The following CSRP3 variants were observed in gnomAD, a reference collection of about 807,000 sequenced individuals.
CSRP3 encodes cysteine and glycine-rich protein 3.
CSRP3 carries 24 observed loss-of-function variants against 24.3 expected under a neutral mutation model. The ratio of observed to expected loss-of-function variants is 0.99; its 90% CI spans 0.71 to 1.39. The LOEUF (loss-of-function observed/expected upper bound fraction) is 1.39. CSRP3 is among the 40% of genes most tolerant of loss of function. The pLI is 0.00. For missense variants in CSRP3, 240 were observed against 249.0 expected (o/e 0.96, Z 0.24); for synonymous variants, 105 against 94.0 (o/e 1.12, Z -0.68).
chr11:19,192,540 A>G, intron 1 of CSRP3, 64 bp from the exon 2 acceptor site: 1 of 1,003,150 alleles, frequency 1.0e-6, no homozygotes, highest in Non-Finnish European at 1.6e-6. Context: ...AATCTCTAAG[A>G]GTGCAGTGGT....
chr11:19,188,595 C>T (rs1850568185), intron 2 of CSRP3, among the ~76,000 whole-genome samples: 1 of 148,002 alleles, frequency 6.8e-6, no homozygotes, highest in African/African-American at 2.5e-5. Flanking sequence ...CCTGAGTCTT[C>T]CCAAATGACA....
At chr11:19,186,412 T>C (rs943475608) in intron 3 of CSRP3, 64 bp from the exon 4 acceptor site, 2 of 1,606,606 alleles carry the variant, frequency 1.2e-6, no homozygotes, top group African/African-American at 2.7e-5. Flanking sequence ...AAGAGCTGTG[T>C]GGCCTTGAGA....
At chr11:19,189,450 AG>A (rs1850582402) in intron 2 of CSRP3, among the ~76,000 whole-genome samples, 2 of 152,240 alleles carry the variant, frequency 1.3e-5, no homozygotes, top group Admixed American at 1.3e-4. Context: ...TGCTTATAAT[AG>A]GGAGATAATA....
At chr11:19,187,650 T>C (rs1850548976) in intron 3 of CSRP3, among the ~76,000 whole-genome samples, 1 of 152,214 alleles carries the variant, frequency 6.6e-6, no homozygotes, top group African/African-American at 2.4e-5. Flanking sequence ...AAAATCATGA[T>C]TGATTGTTTA....
intron 4 of CSRP3, 57 bp from the exon 5 acceptor site, chr11:19,185,102 A>T: frequency 7.7e-7 from 1 of 1,300,136 alleles, no homozygotes; most frequent in African/African-American, 1.5e-5. Flanking sequence ...TTCTGTTTCC[A>T]TTTCAAGTCC....
chr11:19,201,602 G>A (rs75264737), intron 1 of CSRP3, among the ~76,000 whole-genome samples: 22,095 of 152,230 alleles, frequency 0.15, 2,001 homozygotes, highest in South Asian at 0.28. Context: ...AGACGAGAAG[G>A]TCAGCAGACT....
chr11:19,195,811 G>A (rs1011567233), intron 1 of CSRP3, among the ~76,000 whole-genome samples: 12 of 152,084 alleles, frequency 7.9e-5, no homozygotes, highest in African/African-American at 2.4e-4. Context: ...GTTTTTAAGC[G>A]ATCATAAATA....
In CSRP3 at chr11:19,186,234, C is replaced by G. The variant is rs1314319356; in HGVS notation, c.396G>C (p.Lys132Asn). The G allele has an allele frequency of 7.4e-6, 12 of 1,614,206 alleles. No individual in the cohort carries two copies. The highest frequency in any genetic ancestry group is 1.0e-5 in the Non-Finnish European group (12 of 1,180,032). ...RCGKSVYAAE[K>N]VMGGGKPWHK... is the part of the protein sequence containing the mutation. ...GTCTTACCTTGCCACCTCCCATAAC[C>G]TTCTCAGCAGCATAGACTGACTTGC... The change falls in exon 4 of 6, where the codon AAG becomes AAC. Residue 132 changes from lysine (K) to asparagine (N), a missense_variant. Transcript: ENST00000265968.
chr11:19,184,479 G>T (rs975542083), intron 5 of CSRP3, among the ~76,000 whole-genome samples: 1 of 152,190 alleles, frequency 6.6e-6, no homozygotes, highest in East Asian at 1.9e-4. Context: ...CTGTTAGTGC[G>T]GGGTAGGCAG....
At chr11:19,195,695 G>C (rs1277384931) in intron 1 of CSRP3, among the ~76,000 whole-genome samples, 2 of 149,564 alleles carry the variant, frequency 1.3e-5, no homozygotes, top group African/African-American at 4.9e-5. Context: ...ATATATCTGT[G>C]TGTGTGTGTG....
At chr11:19,196,296 C>T (rs777342848) in intron 1 of CSRP3, among the ~76,000 whole-genome samples, 2 of 152,054 alleles carry the variant, frequency 1.3e-5, no homozygotes, top group South Asian at 2.1e-4. Flanking sequence ...AAAAGGCATT[C>T]GGAATCCAGA....
intron 3 of CSRP3, among the ~76,000 whole-genome samples, chr11:19,187,079 T>C (rs1850539000): frequency 6.6e-6 from 1 of 152,190 alleles, no homozygotes; most frequent in Non-Finnish European, 1.5e-5. Flanking sequence ...GAGGAAATCC[T>C]AGGTCTTCAG....
In CSRP3 at chr11:19,197,563, C is replaced by CTTTCTTTCTT. The variant is rs1554968724; in HGVS notation, c.-29+4381_-29+4390dup. 3.3e-3 allele frequency among the ~76,000 whole-genome samples: 411 copies of CTTTCTTTCTT among 124,894 alleles called. 6 individuals carry two copies. The highest frequency in any genetic ancestry group is 0.011 in the South Asian group (39 of 3,706). The allele number at this position is 124,894 out of a possible 152,430, so 81.9% of individuals were successfully genotyped here. A position where few individuals can be genotyped will look rare whatever the true frequency, so the allele number is the denominator to read the frequency against. On this transcript the variant is annotated intron_variant, in intron 1 of 5. Transcript: ENST00000265968. ...TCTTTCTTTCTTTCTTTCTTTCTTT[C>CTTTCTTTCTT]TTTCTTTCTTTCTTCTTTCACTACC...
Position 19,188,198 on chromosome 11 carries a change from A to G in CSRP3, c.219T>C (p.Tyr73=), listed in dbSNP as rs397516852. The stretch of plus-strand genomic sequence containing the variant: ...TGCTGAGACAGCCAGCGCCTTGTCC[A>G]TACCCGATCCCTTTGGGGCCATATC... ...GRRYGPKGIG[Y]GQGAGCLSTD... is the part of the protein sequence containing the mutation. Residue 73 remains tyrosine (Y), a synonymous_variant, in exon 3 of 6, where the codon TAT becomes TAC. Coordinates refer to ENST00000265968, the MANE Select transcript of CSRP3 (RefSeq NM_003476.5). The G allele has an allele frequency of 5.6e-6, 9 of 1,613,948 alleles. No homozygotes were observed. The highest frequency in any genetic ancestry group is 7.6e-6 in the Non-Finnish European group (9 of 1,180,034).
At chr11:19,189,642 A>G (rs892901978) in intron 2 of CSRP3, among the ~76,000 whole-genome samples, 1 of 152,242 alleles carries the variant, frequency 6.6e-6, no homozygotes, top group Non-Finnish European at 1.5e-5. Flanking sequence ...TGGAGGAAGA[A>G]GATAAGGTTG....
At chr11:19,186,109 G>A in intron 4 of CSRP3, 107 bp downstream of exon 4, 1 of 1,438,294 alleles carries the variant, frequency 7.0e-7, no homozygotes, top group South Asian at 1.2e-5. Context: ...TGTTCTGGGA[G>A]CTAGAGAGAA....
chr11:19,201,722 C>T (rs1283767861), intron 1 of CSRP3, among the ~76,000 whole-genome samples: 1 of 152,206 alleles, frequency 6.6e-6, no homozygotes, highest in Non-Finnish European at 1.5e-5. Flanking sequence ...CATTTATCTG[C>T]CTATGAGGTC....
At chr11:19,185,129 A>G (rs1850504247) in intron 4 of CSRP3, 84 bp from the exon 5 acceptor site, 2 of 1,015,622 alleles carry the variant, frequency 2.0e-6, no homozygotes, top group Middle Eastern at 2.1e-4. Context: ...AGCAGCATCC[A>G]GAGGAGTGAC....
intron 1 of CSRP3, among the ~76,000 whole-genome samples, chr11:19,193,689 G>T (rs1407136083): frequency 3.3e-4 from 50 of 152,088 alleles, no homozygotes; most frequent in Admixed American, 3.3e-3. Flanking sequence ...GTGGTGGTGG[G>T]CACCTGTAAT....
Sources: gnomAD v4.1 joint callset for allele counts (sites outside exome capture counted in the v4.1 genomes callset) on GRCh38, gnomAD v4.1.1 for gene constraint, MANE v1.5 for transcripts, NCBI Gene and HGNC (gene_info 2026-07-23, HGNC 2026-07-21) for gene names.